Variants in PCDHGA5 observed in about 807,000 individuals in gnomAD.
PCDHGA5 encodes the protein protocadherin gamma subfamily A, 5.
PCDHGA5 carries 36 observed loss-of-function variants against 56.7 expected under a neutral mutation model. The ratio of observed to expected loss-of-function variants is 0.64; its 90% confidence interval spans 0.49 to 0.84. PCDHGA5 has a LOEUF of 0.84. Ranked by LOEUF, PCDHGA5 falls within the 40% of genes least tolerant of loss-of-function variation. The pLI is 0.00. For missense variants in PCDHGA5, 1,305 were observed against 1,201.5 expected, an observed-to-expected ratio of 1.09 and a Z score of -1.27; for synonymous variants, 563 against 520.2, an observed-to-expected ratio of 1.08 and a Z score of -1.12.
At chr5:141,484,506 G>T (rs1442936814) in intron 1 of PCDHGA5, among the ~76,000 whole-genome samples, 1 of 152,186 alleles carries the variant, frequency 6.6e-6, no homozygotes, top group Non-Finnish European at 1.5e-5. Context: ...TGAATATTCT[G>T]CAGAAGGGCA....
At chr5:141,418,115 G>C in intron 1 of PCDHGA5, 1 of 1,614,098 alleles carries the variant, frequency 6.2e-7, no homozygotes, top group South Asian at 1.1e-5. Context: ...GGACTTACTT[G>C]TGAAGGACCG....
chr5:141,423,661 GT>G, intron 1 of PCDHGA5: 1 of 1,555,760 alleles, frequency 6.4e-7, no homozygotes. Flanking sequence ...AAGTAATCAG[GT>G]GAGATTTATT....
At chr5:141,443,467 C>T (rs2098389901) in intron 1 of PCDHGA5, among the ~76,000 whole-genome samples, 2 of 152,156 alleles carry the variant, frequency 1.3e-5, no homozygotes, top group African/African-American at 4.8e-5. Context: ...GTCTGGGTGA[C>T]AGAATTAGAC....
intron 1 of PCDHGA5, chr5:141,371,030 C>T (rs62378420): frequency 0.034 from 55,625 of 1,613,990 alleles, 1,067 homozygotes; most frequent in Middle Eastern, 0.098. Flanking sequence ...ACCTGGTCCT[C>T]ACAGCTGTGG....
intron 1 of PCDHGA5, chr5:141,403,573 C>G: frequency 6.2e-7 from 1 of 1,613,946 alleles, no homozygotes; most frequent in South Asian, 1.1e-5. Context: ...AGGCAACTGC[C>G]CACCACCTGG....
At chr5:141,374,089 G>A in intron 1 of PCDHGA5, 1 of 1,532,432 alleles carries the variant, frequency 6.5e-7, no homozygotes, top group Non-Finnish European at 8.8e-7. Flanking sequence ...CAGTAATGGC[G>A]CCTCCGCAGA....
At chr5:141,408,156 T>G (rs1270401832) in intron 1 of PCDHGA5, 2 of 1,512,436 alleles carry the variant, frequency 1.3e-6, no homozygotes, top group East Asian at 2.5e-5. Flanking sequence ...TAGAGTGCAC[T>G]TTCTCCAACT....
At chr5:141,484,050 C>T (rs1262678828) in intron 1 of PCDHGA5, among the ~76,000 whole-genome samples, 1 of 151,984 alleles carries the variant, frequency 6.6e-6, no homozygotes, top group Non-Finnish European at 1.5e-5. Flanking sequence ...CAAGAGGTCC[C>T]CTGGGGCTAA....
intron 1 of PCDHGA5, among the ~76,000 whole-genome samples, chr5:141,453,670 G>A (rs191035462): frequency 2.5e-4 from 38 of 152,224 alleles, no homozygotes; most frequent in Middle Eastern, 6.8e-3. Context: ...TACACAAAAG[G>A]TAACACACTA....
intron 1 of PCDHGA5, chr5:141,433,025 G>A: frequency 6.2e-7 from 1 of 1,614,144 alleles, no homozygotes; most frequent in Non-Finnish European, 8.5e-7. Context: ...CTATTCCCAC[G>A]AGGTTTCCCT....
chr5:141,400,292 G>T, intron 1 of PCDHGA5: 1 of 1,614,078 alleles, frequency 6.2e-7, no homozygotes, highest in South Asian at 1.1e-5. Flanking sequence ...GCCTGGAGCT[G>T]CTTCCAACCT....
intron 1 of PCDHGA5, among the ~76,000 whole-genome samples, chr5:141,445,961 G>T (rs944876169): frequency 1.3e-5 from 2 of 152,158 alleles, no homozygotes; most frequent in Non-Finnish European, 2.9e-5. Context: ...GCTATATGGA[G>T]AATTGATTTA....
At chr5:141,445,782 G>A (rs530081823) in intron 1 of PCDHGA5, among the ~76,000 whole-genome samples, 1 of 152,310 alleles carries the variant, frequency 6.6e-6, no homozygotes, top group East Asian at 1.9e-4. Flanking sequence ...AAGGGCTAGG[G>A]AGGCTAGAAA....
intron 1 of PCDHGA5, chr5:141,389,975 CTCAGT>C: frequency 6.2e-7 from 1 of 1,614,060 alleles, no homozygotes; most frequent in South Asian, 1.1e-5. Flanking sequence ...TGGCCTTGAT[CTCAGT>C]GCTCTTCCTC....
intron 1 of PCDHGA5, among the ~76,000 whole-genome samples, chr5:141,460,997 G>A (rs1322943324): frequency 3.4e-5 from 5 of 147,290 alleles, no homozygotes; most frequent in Admixed American, 1.4e-4. Flanking sequence ...ATATATATAT[G>A]TGTATATATA....
intron 1 of PCDHGA5, among the ~76,000 whole-genome samples, chr5:141,437,093 C>T (rs1382920904): frequency 2.6e-5 from 4 of 152,136 alleles, no homozygotes; most frequent in East Asian, 1.9e-4. Flanking sequence ...TTGAAACTAA[C>T]GGCTTAGCTT....
At chr5:141,501,016 G>A (rs1042009106) in intron 2 of PCDHGA5, among the ~76,000 whole-genome samples, 7 of 151,716 alleles carry the variant, frequency 4.6e-5, no homozygotes, top group Non-Finnish European at 1.0e-4. Context: ...CTACAGGCAC[G>A]CGCCACCACG....
chr5:141,504,561 T>G (rs1023434942), intron 2 of PCDHGA5, among the ~76,000 whole-genome samples: 1 of 150,052 alleles, frequency 6.7e-6, no homozygotes, highest in Non-Finnish European at 1.5e-5. Context: ...GGGACTGGCA[T>G]TCTAGGGAAC....
intron 1 of PCDHGA5, among the ~76,000 whole-genome samples, chr5:141,436,491 T>G (rs546883133): frequency 6.6e-6 from 1 of 152,182 alleles, no homozygotes; most frequent in Non-Finnish European, 1.5e-5. Flanking sequence ...GATAGCAGCT[T>G]TGCAATTAGG....
Sources: gnomAD v4.1 joint callset for allele counts (sites outside exome capture counted in the v4.1 genomes callset) on GRCh38, gnomAD v4.1.1 for gene constraint, MANE v1.5 for transcripts, NCBI Gene and HGNC (gene_info 2026-07-23, HGNC 2026-07-21) for gene names.